Variants in DTNA observed in about 807,000 individuals in gnomAD.
The protein encoded by DTNA is dystrobrevin alpha, also known as dystrophin-related protein 3.
In DTNA, 43 loss-of-function variants were observed where a neutral mutation model predicts 100.7. That is an observed-to-expected ratio of 0.43 (90% CI 0.33 to 0.55). The LOEUF (loss-of-function observed/expected upper bound fraction) is 0.55, where lower values mean the gene tolerates loss of function less well. Ranked by LOEUF, DTNA falls within the 20% of genes least tolerant of loss-of-function variation. The pLI is 0.04. For synonymous variants in DTNA, 349 were observed against 347.9 expected (o/e 1.00, Z -0.04); for missense variants, 798 against 953.9 (o/e 0.84, Z 2.15).
intron 7 of DTNA, among the ~76,000 whole-genome samples, chr18:34,816,485 C>T (rs577039600): frequency 6.6e-5 from 10 of 152,046 alleles, no homozygotes; most frequent in African/African-American, 2.2e-4. Flanking sequence ...GTTGTACTTA[C>T]GTTAAAGATA....
chr18:34,888,605 A>G lies in DTNA; in HGVS notation c.*871A>G. Reference sequence around the variant, plus strand: ...ATAGAATCTAGTTTTTAAAATCAGCACAGATCTTCTTAAAAACTGTGAACT... The same window carrying G: ...ATAGAATCTAGTTTTTAAAATCAGCGCAGATCTTCTTAAAAACTGTGAACT... On this transcript the variant is annotated 3_prime_UTR_variant, in exon 23 of 23. Coordinates refer to ENST00000444659, the MANE Select transcript of DTNA (RefSeq NM_001386795.1). 1 of 985,886 alleles carries G rather than the reference A, an allele frequency of 1.0e-6. No individual in the cohort carries two copies. Among genetic ancestry groups the G allele is most frequent in the African/African-American group, 1.7e-5 (1 of 57,362 alleles). 61.1% of individuals were successfully genotyped at this position (985,886 alleles called of 1,614,324 possible).
chr18:34,517,460 C>CGTGTGTGT (rs1199695756), intron 1 of DTNA, among the ~76,000 whole-genome samples: 9,927 of 148,904 alleles, frequency 0.067, 380 homozygotes, highest in Non-Finnish European at 0.082. Flanking sequence ...TTTATATACA[C>CGTGTGTGT]GTGTGTGTGT....
intron 1 of DTNA, among the ~76,000 whole-genome samples, chr18:34,545,488 G>A (rs116476033): frequency 1.5e-3 from 221 of 152,178 alleles, no homozygotes; most frequent in African/African-American, 4.9e-3. Context: ...ATAGTAGTTA[G>A]CAACAACAAA....
At chr18:34,536,397 T>C (rs1417115496) in intron 1 of DTNA, among the ~76,000 whole-genome samples, 1 of 151,962 alleles carries the variant, frequency 6.6e-6, no homozygotes, top group East Asian at 1.9e-4. Flanking sequence ...ATGATGAGCG[T>C]TCTAGGTTCT....
rs188747143 is a variant in DTNA at position 34,566,599 on chromosome 18, T to G, written c.-2+73085T>G. On this transcript the variant is annotated intron_variant, in intron 1 of 19. Transcript: ENST00000283365. ...GACAGACTGTGCAAGTTGCCACAGA[T>G]TGTTAGAGCCGCTGTGCTGGAGTCG... Among the ~76,000 whole-genome samples, 419 of 152,324 alleles carry G rather than the reference T, an allele frequency of 2.8e-3. 3 individuals are homozygous for G. The highest frequency in any genetic ancestry group is 3.5e-3 in the Non-Finnish European group (238 of 68,032).
intron 4 of DTNA, among the ~76,000 whole-genome samples, chr18:34,797,746 T>A (rs1027910182): frequency 6.6e-6 from 1 of 152,194 alleles, no homozygotes; most frequent in Non-Finnish European, 1.5e-5. Context: ...ACTCTGAGGT[T>A]CTGTGAAGCC....
At chr18:34,496,916 T>C (rs1257076203) in intron 1 of DTNA, among the ~76,000 whole-genome samples, 1 of 152,190 alleles carries the variant, frequency 6.6e-6, no homozygotes, top group African/African-American at 2.4e-5. Flanking sequence ...GAGATGTGTG[T>C]CACTCTAGTT....
At chr18:34,663,178 G>T (rs886215826) in intron 1 of DTNA, among the ~76,000 whole-genome samples, 1 of 151,944 alleles carries the variant, frequency 6.6e-6, no homozygotes, top group African/African-American at 2.4e-5. Context: ...TTTTGAGATA[G>T]GGTCTCACTC....
At chr18:34,736,564 G>A (rs1354832551) in intron 1 of DTNA, among the ~76,000 whole-genome samples, 1 of 152,098 alleles carries the variant, frequency 6.6e-6, no homozygotes, top group Non-Finnish European at 1.5e-5. Flanking sequence ...GGTGGACAGC[G>A]AAGATAAAGT....
At chr18:34,542,956 G>C (rs188203868) in intron 1 of DTNA, among the ~76,000 whole-genome samples, 84 of 151,918 alleles carry the variant, frequency 5.5e-4, no homozygotes, top group African/African-American at 1.9e-3. Flanking sequence ...GTCCAGCATG[G>C]ATCTCCAAGA....
intron 1 of DTNA, among the ~76,000 whole-genome samples, chr18:34,694,540 T>A (rs923270747): frequency 6.6e-6 from 1 of 152,188 alleles, no homozygotes; most frequent in South Asian, 2.1e-4. Flanking sequence ...TAGCTCTCAA[T>A]TTTGTCTATT....
intron 13 of DTNA, among the ~76,000 whole-genome samples, chr18:34,843,993 G>A (rs982704800): frequency 3.3e-5 from 5 of 152,060 alleles, no homozygotes; most frequent in South Asian, 2.1e-4. Context: ...CTGTTAACAC[G>A]ACTCCTTTTG....
intron 1 of DTNA, among the ~76,000 whole-genome samples, chr18:34,681,782 G>A (rs375610576): frequency 2.1e-4 from 32 of 151,302 alleles, no homozygotes; most frequent in African/African-American, 7.8e-4. Context: ...GTATATTTGT[G>A]ACTATCAATG....
chr18:34,613,068 T>G (rs1020128092), intron 1 of DTNA, among the ~76,000 whole-genome samples: 2 of 152,252 alleles, frequency 1.3e-5, no homozygotes, highest in Non-Finnish European at 1.5e-5. Flanking sequence ...TCACTTCATG[T>G]CTCTGTGTCA....
At chr18:34,867,859 G>A (rs1216565609) in intron 17 of DTNA, 1 of 985,360 alleles carries the variant, frequency 1.0e-6, no homozygotes, top group Non-Finnish European at 1.2e-6. Flanking sequence ...CTGCATCTCA[G>A]GGGGCCAACA....
intron 1 of DTNA, among the ~76,000 whole-genome samples, chr18:34,536,140 C>G (rs2043688843): frequency 6.6e-6 from 1 of 151,932 alleles, no homozygotes; most frequent in Non-Finnish European, 1.5e-5. Context: ...AAGGACCTTT[C>G]TCATTTTAAG....
chr18:34,803,280 G>T (rs2095271678), intron 4 of DTNA, among the ~76,000 whole-genome samples: 1 of 151,702 alleles, frequency 6.6e-6, no homozygotes, highest in Admixed American at 6.6e-5. Flanking sequence ...TCCACTTGGT[G>T]ATTTATCTAG....
In DTNA at chr18:34,669,691, A is replaced by G. The variant is rs186802594; in HGVS notation, c.-1-86285A>G. 2.7e-4 allele frequency among the ~76,000 whole-genome samples: 41 copies of G among 152,258 alleles called. No homozygotes were observed. The East Asian group carries it at 7.9e-3, about 29-fold the overall frequency. On this transcript the variant is annotated intron_variant, in intron 1 of 19. Coordinates refer to the DTNA transcript ENST00000283365. The stretch of plus-strand genomic sequence containing the variant: ...TATTTCCCCTTCACTTATGAAGCTT[A>G]GTTTGGCTGGATATGAAATTCTGGG...
intron 1 of DTNA, among the ~76,000 whole-genome samples, chr18:34,673,556 T>A (rs902537450): frequency 6.6e-6 from 1 of 151,536 alleles, no homozygotes; most frequent in Admixed American, 6.6e-5. Context: ...AAGAAACAGC[T>A]GATAAATCCT....
Sources: gnomAD v4.1 joint callset for allele counts (sites outside exome capture counted in the v4.1 genomes callset) on GRCh38, gnomAD v4.1.1 for gene constraint, MANE v1.5 for transcripts, NCBI Gene and HGNC (gene_info 2026-07-23, HGNC 2026-07-21) for gene names.